Variants in PCDHB2 observed in about 807,000 individuals in gnomAD.
The protein encoded by PCDHB2 is protocadherin beta 2, also known as protocadherin beta-2.
For synonymous variants in PCDHB2, 395 were observed against 464.9 expected (o/e 0.85, Z 1.93); for missense variants, 914 against 1,023.1 (o/e 0.89, Z 1.45).
At position 141,096,202 on chromosome 5, in the gene PCDHB2, A is replaced by C; in HGVS notation, c.1412A>C (p.His471Pro). ...FVRENNSPAL[H>P]IGSVSATDRD... ...CGCGAGAACAACAGCCCCGCCCTGC[A>C]CATCGGCAGCGTCAGCGCCACAGAC... The change falls in exon 1 of 1, where the codon CAC (histidine) becomes CCC (proline). Residue 471 changes from histidine to proline, a missense_variant. Physicochemically the swap from His to Pro is moderately conservative, Grantham distance 77. Coordinates refer to ENST00000194155, the MANE Select transcript of PCDHB2 (RefSeq NM_018936.4). 6.2e-7 allele frequency: 1 copy of C among 1,613,048 alleles called. No individual in the cohort carries two copies. The highest frequency in any genetic ancestry group is 1.1e-5 in the South Asian group (1 of 91,034).
chr5:141,097,995 C>T lies in PCDHB2; in HGVS notation c.*808C>T, dbSNP rs1223368297. On this transcript the variant is annotated 3_prime_UTR_variant, in exon 1 of 1. Coordinates refer to ENST00000194155, the MANE Select transcript of PCDHB2 (RefSeq NM_018936.4). ...ATTACAGGCGTGAGCCACCGCCCCC[C>T]AGTCCAATATGTATACTTCTTTCAA... 2 of 152,252 alleles carry T rather than the reference C, an allele frequency of 1.3e-5. No individual in the cohort carries two copies. The highest frequency in any genetic ancestry group is 2.4e-5 in the African/African-American group (1 of 41,444). 9.4% of individuals were successfully genotyped at this position (152,252 alleles called of 1,614,324 possible).
At position 141,097,995 on chromosome 5, in the gene PCDHB2, C is replaced by G. The variant is rs1223368297; in HGVS notation, c.*808C>G. ...ATTACAGGCGTGAGCCACCGCCCCC[C>G]AGTCCAATATGTATACTTCTTTCAA... On this transcript the variant is annotated 3_prime_UTR_variant, in exon 1 of 1. Coordinates refer to ENST00000194155, the MANE Select transcript of PCDHB2 (RefSeq NM_018936.4). 4 of 152,252 alleles carry G rather than the reference C, an allele frequency of 2.6e-5. No individual in the cohort carries two copies. The highest frequency in any genetic ancestry group is 1.3e-4 in the Admixed American group (2 of 15,274). 9.4% of individuals were successfully genotyped at this position (152,252 alleles called of 1,614,324 possible).
At position 141,098,265 on chromosome 5, in the gene PCDHB2, CT is replaced by C. The variant is rs1751873988; in HGVS notation, c.*1082del. ...TTATTCCAGTCCCCCCCTTTAAAAT[CT>C]TTTAAAATTATTAATAACCTATTAA... is the stretch of plus-strand genomic sequence containing the variant. On this transcript the variant is annotated 3_prime_UTR_variant, in exon 1 of 1. Coordinates refer to ENST00000194155, the MANE Select transcript of PCDHB2 (RefSeq NM_018936.4). 6.6e-6 allele frequency: 1 copy of C among 152,072 alleles called. No homozygotes were observed. Among genetic ancestry groups the C allele is most frequent in the Non-Finnish European group, 1.5e-5 (1 of 68,020 alleles). The allele number at this position is 152,072 out of a possible 1,614,324, so 9.4% of individuals were successfully genotyped here.
Position 141,095,110 on chromosome 5 carries a change from C to A in PCDHB2, c.320C>A (p.Pro107His), listed in dbSNP as rs782254233. 1 of 1,614,124 alleles carries A rather than the reference C, an allele frequency of 6.2e-7. No homozygotes were observed. ...LCGPTEPCVLPFQVLLENPLQ... is the reference protein window; with the variant it reads ...LCGPTEPCVLHFQVLLENPLQ... ...GGCCCCACAGAGCCCTGTGTCCTAC[C>A]TTTCCAGGTGTTACTAGAAAATCCC... Residue 107 changes from proline to histidine, a missense_variant, in exon 1 of 1, where the codon CCT becomes CAT. Transcript: ENST00000194155.
rs782784687 is a variant in PCDHB2, at chr5:141,095,470, C to T, written c.680C>T (p.Thr227Met). The T allele has an allele frequency of 3.7e-6, 6 of 1,613,976 alleles. No individual in the cohort carries two copies. The highest frequency in any genetic ancestry group is 1.6e-4 in the Middle Eastern group (1 of 6,084). ...GGCGGGAGTCCACCCAGGTCCGGCA[C>T]GGCCCTGGTACGGATTGAAGTTGTG... ...LDGGSPPRSG[T>M]ALVRIEVVDI... Residue 227 changes from threonine to methionine, a missense_variant, in exon 1 of 1, where the codon ACG (threonine) becomes ATG (methionine). Physicochemically the swap from Thr to Met is moderately conservative, Grantham distance 81. Transcript: ENST00000194155.
At position 141,097,212 on chromosome 5, in the gene PCDHB2, T is replaced by C. The variant is rs1554271740; in HGVS notation, c.*25T>C. On this transcript the variant is annotated 3_prime_UTR_variant, in exon 1 of 1. Transcript: ENST00000194155. The stretch of plus-strand genomic sequence containing the variant: ...AGTGTTAATAAGGATCTACTGAGGC[T>C]AGTCTCGTTTAATTTGTGGAAAGTC... 2 of 1,564,386 alleles carry C rather than the reference T, an allele frequency of 1.3e-6. No homozygotes were observed. The highest frequency in any genetic ancestry group is 4.5e-5 in the East Asian group (2 of 44,486).
chr5:141,095,314 G>C lies in PCDHB2; in HGVS notation c.524G>C (p.Ser175Thr), dbSNP rs1016144153. 1.2e-6 allele frequency: 2 copies of C among 1,613,942 alleles called. No individual in the cohort carries two copies. Among genetic ancestry groups the C allele is most frequent in the Non-Finnish European group, 8.5e-7 (1 of 1,179,932 alleles). ...GTNSLQNYTI[S>T]PNFHFHLNLQ... ...AACAGTCTCCAAAATTACACAATCA[G>C]TCCCAATTTCCACTTTCATCTTAAT... The change falls in exon 1 of 1, where the codon AGT (serine) becomes ACT (threonine). Residue 175 changes from serine (S) to threonine (T), a missense_variant. Coordinates refer to ENST00000194155, the MANE Select transcript of PCDHB2 (RefSeq NM_018936.4).
In PCDHB2 at chr5:141,095,919, T is replaced by A. The variant is rs370259934; in HGVS notation, c.1129T>A (p.Ser377Thr). The change falls in exon 1 of 1, where the codon TCC (serine) becomes ACC (threonine). Residue 377 changes from serine to threonine, a missense_variant. By Grantham distance (58) the Ser-to-Thr change is moderately conservative (BLOSUM62 1). Coordinates refer to ENST00000194155, the MANE Select transcript of PCDHB2 (RefSeq NM_018936.4). ...TGTATTCAGCGTTTCAGATCCTGAC[T>A]CCGGAGACAACGGAAGGATGGTGTG... ...IAVFSVSDPDSGDNGRMVCSI... is the reference protein window; with the variant it reads ...IAVFSVSDPDTGDNGRMVCSI... 6.2e-7 allele frequency: 1 copy of A among 1,614,036 alleles called. No homozygotes were observed. The highest frequency in any genetic ancestry group is 8.5e-7 in the Non-Finnish European group (1 of 1,180,032).
chr5:141,096,904 T>C lies in PCDHB2; in HGVS notation c.2114T>C (p.Phe705Ser), dbSNP rs782033577. The C allele has an allele frequency of 7.4e-6, 12 of 1,612,234 alleles. No homozygotes were observed. Among genetic ancestry groups the C allele is most frequent in the African/African-American group, 6.7e-5 (5 of 74,850 alleles). The part of the protein sequence containing the change: ...ALASVSSLFL[F>S]SVLLFVAVRL... ...GCCTCGGTGTCTTCGCTCTTCCTCT[T>C]CTCGGTGCTCCTGTTCGTGGCGGTG... Residue 705 changes from phenylalanine (F) to serine (S), a missense_variant, in exon 1 of 1, where the codon TTC becomes TCC. Transcript: ENST00000194155.
rs1446991445 is a variant in PCDHB2, at chr5:141,096,813, C to T, written c.2023C>T (p.Leu675Phe). Residue 675 changes from leucine (L) to phenylalanine (F), a missense_variant, in exon 1 of 1, where the codon CTC becomes TTC. Transcript: ENST00000194155. ...CGGCTTCTCCCAGCCCTACCTGCTG[C>T]TCCCGGAGGCGGCACCGGCCCAGGC... The part of the protein sequence containing the change: ...VDGFSQPYLL[L>F]PEAAPAQAQA... The T allele has an allele frequency of 6.2e-7, 1 of 1,610,404 alleles. No individual in the cohort carries two copies. Among genetic ancestry groups the T allele is most frequent in the Non-Finnish European group, 8.5e-7 (1 of 1,179,716 alleles).
In PCDHB2 at chr5:141,097,114, A is replaced by G. The variant is rs143711890; in HGVS notation, c.2324A>G (p.Asn775Ser). The part of the protein sequence containing the change: ...EFKFLKPIIP[N>S]FVAQGAERVS... Reference sequence around the variant, plus strand: ...AAGTTCCTGAAGCCAATTATCCCCAACTTCGTTGCTCAGGGTGCAGAGAGG... The same window carrying G: ...AAGTTCCTGAAGCCAATTATCCCCAGCTTCGTTGCTCAGGGTGCAGAGAGG... Residue 775 changes from asparagine (N) to serine (S), a missense_variant, in exon 1 of 1, where the codon AAC becomes AGC. By Grantham distance (46) the Asn-to-Ser change is conservative. Transcript: ENST00000194155. 895 of 1,604,820 alleles carry G rather than the reference A, an allele frequency of 5.6e-4. 1 individual carries two copies. Among genetic ancestry groups the G allele is most frequent in the Admixed American group, 9.0e-4 (53 of 58,710 alleles).
In PCDHB2 at chr5:141,095,503, A is replaced by G. The variant is rs781890257; in HGVS notation, c.713A>G (p.Asn238Ser). The G allele has an allele frequency of 7.4e-6, 12 of 1,614,016 alleles. No individual in the cohort carries two copies. The highest frequency in any genetic ancestry group is 5.0e-5 in the Admixed American group (3 of 59,996). ...GTACGGATTGAAGTTGTGGACATCA[A>G]TGACAACGTCCCAGAGTTTGCAAAG... ...ALVRIEVVDI[N>S]DNVPEFAKLL... Residue 238 changes from asparagine (N) to serine (S), a missense_variant, in exon 1 of 1, where the codon AAT becomes AGT. By Grantham distance (46) the Asn-to-Ser change is conservative. Coordinates refer to ENST00000194155, the MANE Select transcript of PCDHB2 (RefSeq NM_018936.4).
Position 141,094,691 on chromosome 5 carries a change from G to A in PCDHB2, c.-100G>A. On this transcript the variant is annotated 5_prime_UTR_variant, in exon 1 of 1. Transcript: ENST00000194155. ...GTCGCTCCGGGAAATCCGGGCCCTA[G>A]GATTGTCCACTCATCCCAGTATCAG... 1.0e-6 allele frequency: 1 copy of A among 1,003,068 alleles called. No individual in the cohort carries two copies. The highest frequency in any genetic ancestry group is 1.5e-6 in the Non-Finnish European group (1 of 680,856). 62.1% of individuals were successfully genotyped at this position (1,003,068 alleles called of 1,614,324 possible). A position where few individuals can be genotyped will look rare whatever the true frequency, so the allele number is the denominator to read the frequency against.
chr5:141,095,097 C>G lies in PCDHB2; in HGVS notation c.307C>G (p.Pro103Ala). The change falls in exon 1 of 1, where the codon CCC (proline) becomes GCC (alanine). Residue 103 changes from proline to alanine, a missense_variant. Physicochemically the swap from Pro to Ala is conservative, Grantham distance 27. Transcript: ENST00000194155. ...DREELCGPTE[P>A]CVLPFQVLLE... ...GGAGGAGCTGTGCGGCCCCACAGAGCCCTGTGTCCTACCTTTCCAGGTGTT... is the reference window on the plus strand; with the variant it reads ...GGAGGAGCTGTGCGGCCCCACAGAGGCCTGTGTCCTACCTTTCCAGGTGTT... The G allele has an allele frequency of 6.2e-7, 1 of 1,614,142 alleles. No individual in the cohort carries two copies. The highest frequency in any genetic ancestry group is 8.5e-7 in the Non-Finnish European group (1 of 1,180,014).
In PCDHB2 at chr5:141,096,237, G is replaced by A. The variant is rs564154741; in HGVS notation, c.1447G>A (p.Gly483Ser). The A allele has an allele frequency of 6.2e-7, 1 of 1,613,010 alleles. No homozygotes were observed. ...CGTCAGCGCCACAGACAGAGACTCG[G>A]GCACCAACGCCCAGGTCACCTACTC... ...GSVSATDRDS[G>S]TNAQVTYSLL... Residue 483 changes from glycine (G) to serine (S), a missense_variant, in exon 1 of 1, where the codon GGC (glycine) becomes AGC (serine). Gly to Ser is a moderately conservative substitution (Grantham distance 56). Coordinates refer to ENST00000194155, the MANE Select transcript of PCDHB2 (RefSeq NM_018936.4).
At position 141,096,378 on chromosome 5, in the gene PCDHB2, G is replaced by C; in HGVS notation, c.1588G>C (p.Glu530Gln). The C allele has an allele frequency of 1.9e-6, 3 of 1,612,820 alleles. No individual in the cohort carries two copies. Among genetic ancestry groups the C allele is most frequent in the Non-Finnish European group, 2.5e-6 (3 of 1,179,802 alleles). ...GGACTACGAGGCCCTGCAGGCGTTC[G>C]AGTTCCGCGTGGGCGCCGCAGACCG... ...SLDYEALQAF[E>Q]FRVGAADRGS... Residue 530 changes from glutamate (E) to glutamine (Q), a missense_variant, in exon 1 of 1, where the codon GAG becomes CAG. Physicochemically the swap from Glu to Gln is conservative, Grantham distance 29 (BLOSUM62 2). Transcript: ENST00000194155.
rs1225640563 is a variant in PCDHB2 at position 141,098,674 on chromosome 5, T to C, written c.*1487T>C. On this transcript the variant is annotated 3_prime_UTR_variant, in exon 1 of 1. Coordinates refer to ENST00000194155, the MANE Select transcript of PCDHB2 (RefSeq NM_018936.4). ...GTATTTTACCTGTGATATATTGATA[T>C]TTAAATAAACTAGAACACTTAAAGG... The C allele has an allele frequency of 6.6e-6, 1 of 152,208 alleles. No homozygotes were observed. Among genetic ancestry groups the C allele is most frequent in the East Asian group, 1.9e-4 (1 of 5,202 alleles). The allele number at this position is 152,208 out of a possible 1,614,324, so 9.4% of individuals were successfully genotyped here.
At position 141,095,277 on chromosome 5, in the gene PCDHB2, G is replaced by A. The variant is rs899788068; in HGVS notation, c.487G>A (p.Asp163Asn). The change falls in exon 1 of 1, where the codon GAT becomes AAT. Residue 163 changes from aspartate to asparagine, a missense_variant. Asp to Asn is a conservative substitution (Grantham distance 23, BLOSUM62 1). Transcript: ENST00000194155. Reference sequence around the variant, plus strand: ...CTTAATAGAACGTGCCCAGGACTTGGATGTAGGAACCAACAGTCTCCAAAA... The same window carrying A: ...CTTAATAGAACGTGCCCAGGACTTGAATGTAGGAACCAACAGTCTCCAAAA... Reference protein sequence around the residue: ...TFLIERAQDLDVGTNSLQNYT... With the variant: ...TFLIERAQDLNVGTNSLQNYT... The A allele has an allele frequency of 3.1e-6, 5 of 1,614,126 alleles. No individual in the cohort carries two copies. The highest frequency in any genetic ancestry group is 1.6e-4 in the Middle Eastern group (1 of 6,062).
rs1554271113 is a variant in PCDHB2, at chr5:141,094,927, TTG to T, written c.140_141del (p.Val47GlyfsTer34). The T allele has an allele frequency of 1.9e-6, 3 of 1,614,140 alleles. No individual in the cohort carries two copies. The highest frequency in any genetic ancestry group is 2.5e-6 in the Non-Finnish European group (3 of 1,180,022). Reference sequence around the variant, plus strand: ...GCCGAGGAAACGGAGAGTGGCTCCTTTGTGGCCAATTTGTTAAAAGACCTGGG... The same window carrying T: ...GCCGAGGAAACGGAGAGTGGCTCCTTTGGCCAATTTGTTAAAAGACCTGGG... On this transcript the variant is annotated frameshift_variant, in exon 1 of 1. Coordinates refer to ENST00000194155, the MANE Select transcript of PCDHB2 (RefSeq NM_018936.4). LOFTEE classifies it low-confidence loss of function (END_TRUNC).
Sources: allele counts gnomAD v4.1 joint callset, GRCh38; gene constraint gnomAD v4.1.1; transcripts MANE v1.5; gene names NCBI Gene and HGNC (gene_info 2026-07-23, HGNC 2026-07-21).